HDAC9: variants seen among roughly 807,000 people sequenced by gnomAD.
HDAC9 encodes the protein histone deacetylase 9, also known as MEF-2 interacting transcription repressor (MITR) protein.
In HDAC9, 41 loss-of-function variants were observed where a neutral mutation model predicts 139.4. The ratio of observed to expected loss-of-function variants is 0.29; its 90% CI spans 0.23 to 0.38. HDAC9 has a LOEUF of 0.38. Ranked by LOEUF, HDAC9 falls within the 10% of genes least tolerant of loss-of-function variation. The pLI, the probability that HDAC9 is intolerant of heterozygous loss-of-function variation, is 1.00. For missense variants in HDAC9, 1,147 were observed against 1,297.0 expected (o/e 0.88, Z 1.78); for synonymous variants, 517 against 476.2 (o/e 1.09, Z -1.12).
intron 11 of HDAC9, among the ~76,000 whole-genome samples, chr7:18,664,253 C>T (rs1455523476): frequency 1.3e-5 from 2 of 152,116 alleles, no homozygotes; most frequent in African/African-American, 4.8e-5. Flanking sequence ...TGAATGTCCT[C>T]CTTCTCCCGA....
intron 1 of HDAC9, among the ~76,000 whole-genome samples, chr7:18,318,102 G>A (rs189021209): frequency 6.6e-6 from 1 of 152,238 alleles, no homozygotes; most frequent in Admixed American, 6.5e-5. Flanking sequence ...TTATATCAGA[G>A]CCTGGTTCAT....
Position 18,964,062 on chromosome 7 carries a change from C to T in HDAC9, c.3022+9832C>T, listed in dbSNP as rs533682299. 3.9e-5 allele frequency among the ~76,000 whole-genome samples: 6 copies of T among 152,276 alleles called. No homozygotes were observed. In the South Asian group the frequency reaches 6.2e-4, roughly 16 times the overall value. On this transcript the variant is annotated intron_variant, in intron 24 of 25. Transcript: ENST00000686413. Reference sequence around the variant, plus strand: ...AACAACTTTCCCTAACACTGGTCTTCCAGAGATTTCCCCAATGCAGGTCTT... The same window carrying T: ...AACAACTTTCCCTAACACTGGTCTTTCAGAGATTTCCCCAATGCAGGTCTT...
intron 17 of HDAC9, among the ~76,000 whole-genome samples, chr7:18,797,889 A>G (rs977560967): frequency 2.6e-5 from 4 of 152,060 alleles, no homozygotes; most frequent in African/African-American, 9.7e-5. Context: ...TTTGCTTTAT[A>G]AAAATGGAAC....
upstream of HDAC9, among the ~76,000 whole-genome samples, chr7:18,492,404 C>T (rs1741458330): frequency 6.6e-6 from 1 of 151,682 alleles, no homozygotes; most frequent in Non-Finnish European, 1.5e-5. Flanking sequence ...GCTTATATGT[C>T]TGCATAGAAA....
In HDAC9 at chr7:18,774,417, G is replaced by C. The variant is rs1790581083; in HGVS notation, c.2214+7262G>C. Among the ~76,000 whole-genome samples, 3 of 151,940 alleles carry C rather than the reference G, an allele frequency of 2.0e-5. No individual in the cohort carries two copies. The South Asian group carries it at 6.2e-4, about 31-fold the overall frequency. On this transcript the variant is annotated intron_variant, in intron 16 of 25. Coordinates refer to ENST00000686413, the MANE Select transcript of HDAC9 (RefSeq NM_178425.4). ...ACAGACATACCTTGGAAATATTGCA[G>C]ATTCAGTTCCAGAGCAACACAGTAA...
At chr7:18,382,636 CT>C (rs764358426) in intron 1 of HDAC9, among the ~76,000 whole-genome samples, 34 of 152,164 alleles carry the variant, frequency 2.2e-4, no homozygotes, top group East Asian at 1.2e-3. Context: ...AGATAGCAGT[CT>C]AATAATTTCA....
intron 24 of HDAC9, among the ~76,000 whole-genome samples, chr7:18,968,331 A>C (rs1585431581): frequency 1.3e-5 from 2 of 152,228 alleles, no homozygotes; most frequent in South Asian, 4.1e-4. Context: ...TTAGAAATCA[A>C]AAATATTCAA....
intron 12 of HDAC9, among the ~76,000 whole-genome samples, chr7:18,722,797 C>A (rs1424953289): frequency 6.6e-6 from 1 of 152,134 alleles, no homozygotes; most frequent in South Asian, 2.1e-4. Flanking sequence ...TTTGAATAAA[C>A]TTCTCTCTTC....
At chr7:18,858,412 G>A (rs1797851868) in intron 21 of HDAC9, among the ~76,000 whole-genome samples, 1 of 152,108 alleles carries the variant, frequency 6.6e-6, no homozygotes, top group Non-Finnish European at 1.5e-5. Flanking sequence ...AGCAAAGGGG[G>A]AAGCCCCTTA....
At chr7:18,118,977 G>C (rs1784194648) in intron 1 of HDAC9, among the ~76,000 whole-genome samples, 1 of 152,192 alleles carries the variant, frequency 6.6e-6, no homozygotes. Flanking sequence ...GGGGATATCA[G>C]AGTTGAACCT....
chr7:18,911,059 C>T (rs1802694544), intron 22 of HDAC9, among the ~76,000 whole-genome samples: 1 of 151,026 alleles, frequency 6.6e-6, no homozygotes, highest in Middle Eastern at 3.2e-3. Flanking sequence ...TAGAATTCAG[C>T]TTTGAAGACC....
At chr7:18,584,745 A>C (rs1268093349) in intron 2 of HDAC9, among the ~76,000 whole-genome samples, 1 of 152,244 alleles carries the variant, frequency 6.6e-6, no homozygotes, top group Non-Finnish European at 1.5e-5. Flanking sequence ...TCCACATTTT[A>C]GCATGCAGTT....
At chr7:18,636,293 C>A (rs2285432) in intron 8 of HDAC9, among the ~76,000 whole-genome samples, 72,580 of 151,790 alleles carry the variant, frequency 0.48, 18,453 homozygotes, top group Middle Eastern at 0.6. Context: ...CCCTGCCAGC[C>A]CCCCCTGCCC....
chr7:18,173,963 C>T (rs1007339712), intron 2 of HDAC9, among the ~76,000 whole-genome samples: 7 of 152,066 alleles, frequency 4.6e-5, no homozygotes, highest in Non-Finnish European at 8.8e-5. Context: ...TTGTGATGTT[C>T]TCCGTATTTC....
At chr7:18,280,075 TTA>T (rs1205576678) in intron 2 of HDAC9, among the ~76,000 whole-genome samples, 11 of 152,154 alleles carry the variant, frequency 7.2e-5, no homozygotes, top group African/African-American at 2.7e-4. Flanking sequence ...CCTACGTCAG[TTA>T]TGTTTCTAGG....
rs181904722 is a variant in HDAC9, at chr7:18,179,047, T to C, written c.25+16698T>C. ...GGCATTTAATGGAGAACAAGATCTC[T>C]TACTTTGGAATGTATCTGGTCAAAT... On this transcript the variant is annotated intron_variant, in intron 2 of 12. Transcript: ENST00000417496. Among the ~76,000 whole-genome samples the C allele has an allele frequency of 1.4e-3, 207 of 152,360 alleles. 1 individual carries two copies. Among genetic ancestry groups the C allele is most frequent in the African/African-American group, 4.9e-3 (202 of 41,582 alleles).
At chr7:18,700,726 G>T (rs914477647) in intron 12 of HDAC9, among the ~76,000 whole-genome samples, 3 of 152,168 alleles carry the variant, frequency 2.0e-5, no homozygotes, top group Non-Finnish European at 4.4e-5. Flanking sequence ...AGCTTGCCTG[G>T]CTGAGAATGC....
chr7:18,807,457 A>G (rs1793802853), intron 17 of HDAC9, among the ~76,000 whole-genome samples: 1 of 150,874 alleles, frequency 6.6e-6, no homozygotes, highest in Non-Finnish European at 1.5e-5. Flanking sequence ...AATCTTTATT[A>G]TTTCCTTCTT....
chr7:18,804,951 C>T (rs537591850), intron 17 of HDAC9, among the ~76,000 whole-genome samples: 3 of 152,242 alleles, frequency 2.0e-5, no homozygotes, highest in East Asian at 1.9e-4. Flanking sequence ...CCTGCCATCA[C>T]GCCTGGCTAA....
Sources: allele counts gnomAD v4.1 joint callset (sites outside exome capture counted in the v4.1 genomes callset), GRCh38; gene constraint gnomAD v4.1.1; transcripts MANE v1.5; gene names NCBI Gene and HGNC (gene_info 2026-07-23, HGNC 2026-07-21).